The following LLPH variants were observed in gnomAD, a reference collection of about 807,000 sequenced individuals.
LLPH encodes the protein LLP homolog, long-term synaptic facilitation factor.
In LLPH, 5 loss-of-function variants were observed where a neutral mutation model predicts 13.3. The ratio of observed to expected loss-of-function variants is 0.38; its 90% confidence interval spans 0.20 to 0.79. LLPH has a LOEUF of 0.79. Among genes scored for constraint, LLPH ranks in the 30% least tolerant of loss-of-function variants. LLPH has a pLI of 0.45. For synonymous variants in LLPH, 32 were observed against 44.2 expected, an observed-to-expected ratio of 0.72 and a Z score of 1.09; for missense variants, 129 against 152.1, an observed-to-expected ratio of 0.85 and a Z score of 0.80.
chr12:66,124,128 A>T, intron 2 of LLPH, 110 bp from the exon 3 acceptor site: 1 of 660,426 alleles, frequency 1.5e-6, no homozygotes, highest in Non-Finnish European at 2.5e-6. Context: ...AGGTAGACCG[A>T]AAATAGAGAA....
In LLPH at chr12:66,121,241, T is replaced by G. The variant is rs1011328375; in HGVS notation, c.*2599A>C. ...TCTCTACCTGACAATGCTGCCAAAA[T>G]GTAAATAAGTGCCAACTGTGTAATA... is the stretch of plus-strand genomic sequence containing the variant. On this transcript the variant is annotated 3_prime_UTR_variant, in exon 3 of 3. Coordinates refer to ENST00000266604, the MANE Select transcript of LLPH (RefSeq NM_032338.4). 2.0e-5 allele frequency: 3 copies of G among 151,222 alleles called. No individual in the cohort carries two copies. The highest frequency in any genetic ancestry group is 4.4e-5 in the Non-Finnish European group (3 of 67,958). 9.4% of individuals were successfully genotyped at this position (151,222 alleles called of 1,614,324 possible).
At position 66,118,312 on chromosome 12, in the gene LLPH, G is replaced by C. The variant is rs564622778; in HGVS notation, c.*5528C>G. 1 of 149,190 alleles carries C rather than the reference G, an allele frequency of 6.7e-6. No individual in the cohort carries two copies. Among genetic ancestry groups the C allele is most frequent in the East Asian group, 2.0e-4 (1 of 5,072 alleles). The allele number at this position is 149,190 out of a possible 1,614,324, so 9.2% of individuals were successfully genotyped here. ...CAGGAGGTGGAGGTTGAGGTGAGCT[G>C]AGATTGCGCCATTGTACTCCAGCCT... is the stretch of plus-strand genomic sequence containing the variant. On this transcript the variant is annotated 3_prime_UTR_variant, in exon 3 of 3. Transcript: ENST00000266604.
At chr12:66,126,116 A>G (rs924722119) in intron 2 of LLPH, among the ~76,000 whole-genome samples, 1 of 152,014 alleles carries the variant, frequency 6.6e-6, no homozygotes. Context: ...CGAGGTCAGG[A>G]GATCGAGACC....
intron 2 of LLPH, among the ~76,000 whole-genome samples, 168 bp from the exon 3 acceptor site, chr12:66,124,186 T>C (rs1188303313): frequency 6.6e-6 from 1 of 152,224 alleles, no homozygotes; most frequent in Non-Finnish European, 1.5e-5. Flanking sequence ...TTCCTTAGAA[T>C]AGTAATGTTA....
At position 66,118,693 on chromosome 12, in the gene LLPH, C is replaced by G. The variant is rs1202270089; in HGVS notation, c.*5147G>C. On this transcript the variant is annotated 3_prime_UTR_variant, in exon 3 of 3. Coordinates refer to ENST00000266604, the MANE Select transcript of LLPH (RefSeq NM_032338.4). Reference sequence around the variant, plus strand: ...CCCTCTAGATTTGTGTAAGTACAGTCTATGATATTCACACAATGATTAACG... The same window carrying G: ...CCCTCTAGATTTGTGTAAGTACAGTGTATGATATTCACACAATGATTAACG... The G allele has an allele frequency of 6.6e-6, 1 of 152,170 alleles. No individual in the cohort carries two copies. Among genetic ancestry groups the G allele is most frequent in the Non-Finnish European group, 1.5e-5 (1 of 68,048 alleles). 9.4% of individuals were successfully genotyped at this position (152,170 alleles called of 1,614,324 possible). A position where few individuals can be genotyped will look rare whatever the true frequency, so the allele number is the denominator to read the frequency against.
chr12:66,129,315 A>T, intron 1 of LLPH, among the ~76,000 whole-genome samples: 2 of 152,302 alleles, frequency 1.3e-5, no homozygotes, highest in Admixed American at 1.3e-4. Flanking sequence ...AAATAACAAG[A>T]TATCAAATCA....
chr12:66,117,808 T>TA lies in LLPH; in HGVS notation c.*6031dup, dbSNP rs944053365. ...GCTAATGTGTTTGTGTCTTAGTTTTTAACAAAAAAACTTAAGAAGTAAAAA... is the reference window on the plus strand; with the variant it reads ...GCTAATGTGTTTGTGTCTTAGTTTTTAAACAAAAAAACTTAAGAAGTAAAAA... On this transcript the variant is annotated 3_prime_UTR_variant, in exon 3 of 3. Transcript: ENST00000266604. 31 of 151,932 alleles carry TA rather than the reference T, an allele frequency of 2.0e-4. No homozygotes were observed. Among genetic ancestry groups the TA allele is most frequent in the African/African-American group, 7.2e-4 (30 of 41,438 alleles). The allele number at this position is 151,932 out of a possible 1,614,324, so 9.4% of individuals were successfully genotyped here.
intron 1 of LLPH, 66 bp from the exon 2 acceptor site, chr12:66,129,179 C>T: frequency 9.2e-7 from 1 of 1,088,224 alleles, no homozygotes; most frequent in Non-Finnish European, 1.4e-6. Flanking sequence ...CAGGCAAATC[C>T]TTAGAAAACC....
At chr12:66,125,687 C>T (rs571702963) in intron 2 of LLPH, among the ~76,000 whole-genome samples, 3 of 152,308 alleles carry the variant, frequency 2.0e-5, no homozygotes, top group South Asian at 2.1e-4. Context: ...TGGAGCCATT[C>T]CAAATCTTCT....
rs1255470504 is a variant in LLPH, at chr12:66,118,689, C to T, written c.*5151G>A. On this transcript the variant is annotated 3_prime_UTR_variant, in exon 3 of 3. Transcript: ENST00000266604. ...GATACCCTCTAGATTTGTGTAAGTA[C>T]AGTCTATGATATTCACACAATGATT... is the stretch of plus-strand genomic sequence containing the variant. 10 of 152,168 alleles carry T rather than the reference C, an allele frequency of 6.6e-5. No individual in the cohort carries two copies. The highest frequency in any genetic ancestry group is 2.4e-4 in the African/African-American group (10 of 41,418). The allele number at this position is 152,168 out of a possible 1,614,324, so 9.4% of individuals were successfully genotyped here.
rs1592522577 is a variant in LLPH, at chr12:66,119,562, A to C, written c.*4278T>G. 1 of 152,246 alleles carries C rather than the reference A, an allele frequency of 6.6e-6. No individual in the cohort carries two copies. The highest frequency in any genetic ancestry group is 6.5e-5 in the Admixed American group (1 of 15,282). 9.4% of individuals were successfully genotyped at this position (152,246 alleles called of 1,614,324 possible). A position where few individuals can be genotyped will look rare whatever the true frequency, so the allele number is the denominator to read the frequency against. On this transcript the variant is annotated 3_prime_UTR_variant, in exon 3 of 3. Coordinates refer to ENST00000266604, the MANE Select transcript of LLPH (RefSeq NM_032338.4). ...ACTGCAACAGTGTTTTTATTAATAC[A>C]TGCAGGCAAATAGAGGGAAAAAGAC... is the stretch of plus-strand genomic sequence containing the variant.
At position 66,117,759 on chromosome 12, in the gene LLPH, A is replaced by G. The variant is rs1478741204; in HGVS notation, c.*6081T>C. ...GGCCTTGCAGTGGGACAAGCTGTGG[A>G]GGTGGAAGACAGTGTAGATGGAGGC... On this transcript the variant is annotated 3_prime_UTR_variant, in exon 3 of 3. Coordinates refer to ENST00000266604, the MANE Select transcript of LLPH (RefSeq NM_032338.4). The G allele has an allele frequency of 6.6e-6, 1 of 152,216 alleles. No homozygotes were observed. The highest frequency in any genetic ancestry group is 1.9e-4 in the East Asian group (1 of 5,202). 9.4% of individuals were successfully genotyped at this position (152,216 alleles called of 1,614,324 possible). A position where few individuals can be genotyped will look rare whatever the true frequency, so the allele number is the denominator to read the frequency against.
Position 66,127,551 on chromosome 12 carries a change from C to T in LLPH, c.211+1345G>A, listed in dbSNP as rs55746043. On this transcript the variant is annotated intron_variant, in intron 2 of 2. Coordinates refer to ENST00000266604, the MANE Select transcript of LLPH (RefSeq NM_032338.4). Reference sequence around the variant, plus strand: ...AGACTTCTTAATGGGTATTAAGTTTCCTTTTAGGGTGAGGAAAGTGTTTTG... The same window carrying T: ...AGACTTCTTAATGGGTATTAAGTTTTCTTTTAGGGTGAGGAAAGTGTTTTG... Among the ~76,000 whole-genome samples, 167 of 152,182 alleles carry T rather than the reference C, an allele frequency of 1.1e-3. 1 individual carries two copies. Among genetic ancestry groups the T allele is most frequent in the Non-Finnish European group, 1.7e-3 (119 of 68,026 alleles).
chr12:66,125,093 G>A (rs1376299732), intron 2 of LLPH, among the ~76,000 whole-genome samples: 1 of 152,142 alleles, frequency 6.6e-6, no homozygotes, highest in Admixed American at 6.5e-5. Flanking sequence ...ACTGGTAGGC[G>A]CTGGTAAGAA....
chr12:66,119,865 C>T lies in LLPH; in HGVS notation c.*3975G>A, dbSNP rs2051451968. The T allele has an allele frequency of 1.3e-5, 2 of 152,138 alleles. No individual in the cohort carries two copies. Among genetic ancestry groups the T allele is most frequent in the Admixed American group, 1.3e-4 (2 of 15,270 alleles). The allele number at this position is 152,138 out of a possible 1,614,324, so 9.4% of individuals were successfully genotyped here. A position where few individuals can be genotyped will look rare whatever the true frequency, so the allele number is the denominator to read the frequency against. Reference sequence around the variant, plus strand: ...CTTCTCCAACTCTTAAGCCATATTCCAGAAACACGGATCCAAATTTTGAAA... The same window carrying T: ...CTTCTCCAACTCTTAAGCCATATTCTAGAAACACGGATCCAAATTTTGAAA... On this transcript the variant is annotated 3_prime_UTR_variant, in exon 3 of 3. Transcript: ENST00000266604.
At position 66,116,762 on chromosome 12, in the gene LLPH, C is replaced by T. The variant is rs139440049; in HGVS notation, c.*7078G>A. On this transcript the variant is annotated 3_prime_UTR_variant, in exon 3 of 3. Transcript: ENST00000266604. ...TCGCTTTAGGATATTAAATACATTC[C>T]GCATATTAAAAACTTAATGTATTAT... is the stretch of plus-strand genomic sequence containing the variant. The T allele has an allele frequency of 1.1e-4, 17 of 152,244 alleles. No homozygotes were observed. Among genetic ancestry groups the T allele is most frequent in the South Asian group, 8.3e-4 (4 of 4,824 alleles). The allele number at this position is 152,244 out of a possible 1,614,324, so 9.4% of individuals were successfully genotyped here.
chr12:66,129,141 A>T (rs1320991420), intron 1 of LLPH, 28 bp from the exon 2 acceptor site: 2 of 1,424,784 alleles, frequency 1.4e-6, no homozygotes, highest in Non-Finnish European at 2.0e-6. Context: ...ACACATTCAA[A>T]AGCAAATCTT....
rs2051447135 is a variant in LLPH, at chr12:66,119,058, G to A, written c.*4782C>T. 1 of 152,166 alleles carries A rather than the reference G, an allele frequency of 6.6e-6. No individual in the cohort carries two copies. The highest frequency in any genetic ancestry group is 1.5e-5 in the Non-Finnish European group (1 of 68,028). The allele number at this position is 152,166 out of a possible 1,614,324, so 9.4% of individuals were successfully genotyped here. ...TCAAATAAAAGTCTGTCTCTCTGTA[G>A]CTTTCCATCATAGGTATTCATTCTA... On this transcript the variant is annotated 3_prime_UTR_variant, in exon 3 of 3. Coordinates refer to ENST00000266604, the MANE Select transcript of LLPH (RefSeq NM_032338.4).
At chr12:66,128,848 C>CAA (rs71096072) in intron 2 of LLPH, 48 bp downstream of exon 2, 10,074 of 990,512 alleles carry the variant, frequency 0.01, 16 homozygotes, top group East Asian at 0.039. Context: ...GACCCTGCCT[C>CAA]AAAAAAAAAA....
Sources: allele counts gnomAD v4.1 joint callset (sites outside exome capture counted in the v4.1 genomes callset), GRCh38; gene constraint gnomAD v4.1.1; transcripts MANE v1.5; gene names NCBI Gene and HGNC (gene_info 2026-07-23, HGNC 2026-07-21).